Variants in DIAPH1 observed in about 807,000 individuals in gnomAD.
DIAPH1 encodes the protein diaphanous related formin 1.
Under a neutral mutation model 140.7 loss-of-function variants are expected in DIAPH1, and 46 were observed. The ratio of observed to expected loss-of-function variants is 0.33; its 90% CI spans 0.26 to 0.42. DIAPH1 has a LOEUF of 0.42. Among genes scored for constraint, DIAPH1 ranks in the 10% least tolerant of loss-of-function variants. The pLI, the probability that DIAPH1 is intolerant of heterozygous loss-of-function variation, is 1.00. For synonymous variants in DIAPH1, 565 were observed against 551.6 expected (o/e 1.02, Z -0.34); for missense variants, 1,310 against 1,558.7 (o/e 0.84, Z 2.69).
At chr5:141,612,503 A>T (rs535549053) in intron 1 of DIAPH1, among the ~76,000 whole-genome samples, 2 of 152,372 alleles carry the variant, frequency 1.3e-5, no homozygotes, top group African/African-American at 4.8e-5. Flanking sequence ...TATATGAAAG[A>T]CCACACATCA....
At chr5:141,566,974 G>A (rs1160389808) in intron 18 of DIAPH1, among the ~76,000 whole-genome samples, 1 of 152,148 alleles carries the variant, frequency 6.6e-6, no homozygotes, top group East Asian at 1.9e-4. Flanking sequence ...GAGAAAACCA[G>A]GTTTCCAGTA....
chr5:141,616,195 C>T (rs1440139755), intron 1 of DIAPH1, among the ~76,000 whole-genome samples: 1 of 152,176 alleles, frequency 6.6e-6, no homozygotes, highest in Non-Finnish European at 1.5e-5. Context: ...ACTGAGGGTC[C>T]ATCTCCTTTC....
intron 27 of DIAPH1, among the ~76,000 whole-genome samples, chr5:141,520,799 A>G (rs987508963): frequency 7.2e-5 from 11 of 152,190 alleles, no homozygotes; most frequent in African/African-American, 2.4e-4. Context: ...CTCCTGTTCA[A>G]TCACGCAGGC....
intron 21 of DIAPH1, 87 bp downstream of exon 21, chr5:141,529,085 G>A (rs560480509): frequency 1.9e-6 from 3 of 1,550,132 alleles, no homozygotes; most frequent in East Asian, 2.2e-5. Context: ...ACAGACAAGC[G>A]GCAAGGAGCA....
intron 20 of DIAPH1, 83 bp downstream of exon 20, chr5:141,529,520 G>GT: frequency 8.7e-7 from 1 of 1,152,862 alleles, no homozygotes; most frequent in Non-Finnish European, 1.3e-6. Context: ...GCTGGAGGAG[G>GT]ATCCTCTTCA....
chr5:141,574,427 T>A (rs1287749183), intron 15 of DIAPH1, among the ~76,000 whole-genome samples: 3 of 152,218 alleles, frequency 2.0e-5, no homozygotes, highest in Non-Finnish European at 4.4e-5. Flanking sequence ...GCATGCTTTG[T>A]ATTAAGAAGA....
At position 141,573,517 on chromosome 5, in the gene DIAPH1, T is replaced by C. The variant is rs369255077; in HGVS notation, c.2333A>G (p.Gln778Arg). ...TPKKLYKPEVQLRRPNWSKLV... is the reference protein window; with the variant it reads ...TPKKLYKPEVRLRRPNWSKLV... ...CTTGGACCAGTTTGGCCTCCGGAGC[T>C]GCACCTCTGGCTTATAAAGCTTTTT... The change falls in exon 16 of 28, where the codon CAG becomes CGG. Residue 778 changes from glutamine (Q) to arginine (R), a missense_variant. Gln to Arg is a conservative substitution (Grantham distance 43, BLOSUM62 1). Transcript: ENST00000389054. 166 of 1,610,224 alleles carry C rather than the reference T, an allele frequency of 1.0e-4. No individual in the cohort carries two copies. The highest frequency in any genetic ancestry group is 1.4e-4 in the Non-Finnish European group (160 of 1,178,122).
chr5:141,609,125 A>C (rs1333704440), intron 1 of DIAPH1, among the ~76,000 whole-genome samples: 1 of 149,550 alleles, frequency 6.7e-6, no homozygotes, highest in Non-Finnish European at 1.5e-5. Flanking sequence ...AAAAGGTTTA[A>C]TTAAGATTCT....
In DIAPH1 at chr5:141,528,736, C is replaced by G; in HGVS notation, c.2984G>C (p.Gly995Ala). Reference protein sequence around the residue: ...NYMNAGSRNAGAFGFNISFLC... With the variant: ...NYMNAGSRNAAAFGFNISFLC... Reference sequence around the variant, plus strand: ...GAAGCTGATATTGAAGCCAAAAGCACCAGCATTTCTGGAGCCAGCATTCAT... The same window carrying G: ...GAAGCTGATATTGAAGCCAAAAGCAGCAGCATTTCTGGAGCCAGCATTCAT... The change falls in exon 22 of 28, where the codon GGT (glycine) becomes GCT (alanine). Residue 995 changes from glycine to alanine, a missense_variant. Physicochemically the swap from Gly to Ala is moderately conservative, Grantham distance 60. Around this residue, in one of 3 missense-constraint regions of DIAPH1, gnomAD observed 344 missense variants for 512.2 expected, o/e 0.67. Coordinates refer to ENST00000389054, the MANE Select transcript of DIAPH1 (RefSeq NM_005219.5). The G allele has an allele frequency of 6.2e-7, 1 of 1,614,218 alleles. No individual in the cohort carries two copies. The highest frequency in any genetic ancestry group is 8.5e-7 in the Non-Finnish European group (1 of 1,180,046).
At chr5:141,546,235 A>G (rs1295070095) in intron 18 of DIAPH1, among the ~76,000 whole-genome samples, 1 of 152,130 alleles carries the variant, frequency 6.6e-6, no homozygotes, top group African/African-American at 2.4e-5. Flanking sequence ...TACAAAAATT[A>G]GCCAGGCATG....
intron 18 of DIAPH1, among the ~76,000 whole-genome samples, chr5:141,539,429 TG>T (rs1420502092): frequency 2.0e-5 from 2 of 101,718 alleles, no homozygotes; most frequent in Non-Finnish European, 3.7e-5. Flanking sequence ...TTTTTTTTTT[TG>T]TTTTTTTTTT....
At chr5:141,545,889 A>G (rs1217973871) in intron 18 of DIAPH1, among the ~76,000 whole-genome samples, 1 of 152,032 alleles carries the variant, frequency 6.6e-6, no homozygotes, top group Non-Finnish European at 1.5e-5. Flanking sequence ...TAGTTTGCTG[A>G]CTCCTGGTCT....
chr5:141,562,331 GTC>G (rs1358231397), intron 18 of DIAPH1, among the ~76,000 whole-genome samples: 1 of 151,956 alleles, frequency 6.6e-6, no homozygotes, highest in Non-Finnish European at 1.5e-5. Context: ...AATGAGGAAA[GTC>G]TCTGCATACT....
chr5:141,517,433 G>A (rs1176621970), intron 27 of DIAPH1, among the ~76,000 whole-genome samples: 5 of 152,178 alleles, frequency 3.3e-5, no homozygotes, highest in African/African-American at 1.2e-4. Context: ...GAAACTCCTA[G>A]GCCAAAACAC....
intron 13 of DIAPH1, 92 bp from the exon 14 acceptor site, chr5:141,576,386 C>A: frequency 1.9e-6 from 2 of 1,026,972 alleles, no homozygotes; most frequent in Admixed American, 1.8e-5. Flanking sequence ...TCTTTTTGAT[C>A]ATTTTTATTA....
At chr5:141,580,618 G>T in intron 8 of DIAPH1, 126 bp downstream of exon 8, 3 of 946,730 alleles carry the variant, frequency 3.2e-6, no homozygotes. Context: ...GTTCACTTCT[G>T]GGAAGAAACA....
chr5:141,542,852 A>C (rs1347523855), intron 18 of DIAPH1, among the ~76,000 whole-genome samples: 1 of 152,220 alleles, frequency 6.6e-6, no homozygotes, highest in Non-Finnish European at 1.5e-5. Flanking sequence ...ATGTTGTGTG[A>C]ATTTCATCTC....
intron 27 of DIAPH1, among the ~76,000 whole-genome samples, chr5:141,519,596 TCTG>T (rs1439122404): frequency 6.6e-6 from 1 of 152,198 alleles, no homozygotes; most frequent in African/African-American, 2.4e-5. Context: ...TCTAGACTTT[TCTG>T]GACTCAAGAA....
At chr5:141,599,061 G>A (rs1168233627) in intron 1 of DIAPH1, among the ~76,000 whole-genome samples, 2 of 152,154 alleles carry the variant, frequency 1.3e-5, no homozygotes, top group African/African-American at 4.8e-5. Context: ...AAAGGGCCCA[G>A]AGAATACTCA....
Sources: allele counts gnomAD v4.1 joint callset (sites outside exome capture counted in the v4.1 genomes callset), GRCh38; gene constraint gnomAD v4.1.1; regional missense constraint gnomAD v4.1.1; transcripts MANE v1.5; gene names NCBI Gene and HGNC (gene_info 2026-07-23, HGNC 2026-07-21).